Variants in FARP1 observed in about 807,000 individuals in gnomAD.
FARP1 encodes the protein FERM, ARHGEF and pleckstrin domain-containing protein 1.
In FARP1, 52 loss-of-function variants were observed where a neutral mutation model predicts 128.8. The ratio of observed to expected loss-of-function variants is 0.40; its 90% CI spans 0.32 to 0.51. The LOEUF is 0.51. Ranked by LOEUF, FARP1 falls within the 20% of genes least tolerant of loss-of-function variation. FARP1 has a pLI of 0.45. For synonymous variants in FARP1, 580 were observed against 551.8 expected (o/e 1.05, Z -0.72); for missense variants, 1,333 against 1,367.9 (o/e 0.97, Z 0.40).
intron 2 of FARP1, among the ~76,000 whole-genome samples, chr13:98,231,387 C>G (rs149304011): frequency 1.4e-4 from 22 of 151,802 alleles, no homozygotes; most frequent in African/African-American, 5.3e-4. Context: ...TGCACGCTTT[C>G]CATGTAGATG....
chr13:98,289,672 T>G (rs1885358087), intron 2 of FARP1, among the ~76,000 whole-genome samples: 2 of 152,148 alleles, frequency 1.3e-5, no homozygotes, highest in Non-Finnish European at 2.9e-5. Context: ...GCAGGACCCC[T>G]CTGGCTCTTG....
intron 2 of FARP1, among the ~76,000 whole-genome samples, chr13:98,224,823 G>C (rs1390994023): frequency 6.6e-6 from 1 of 152,152 alleles, no homozygotes; most frequent in Admixed American, 6.5e-5. Context: ...AGGCTGTGAG[G>C]CGTGGGCTGC....
chr13:98,210,560 T>G (rs2139314137), intron 1 of FARP1, among the ~76,000 whole-genome samples: 1 of 151,310 alleles, frequency 6.6e-6, no homozygotes, highest in Admixed American at 6.6e-5. Context: ...TATCTTTTCT[T>G]TTTTTTTGAG....
chr13:98,306,967 C>G (rs186415592), intron 2 of FARP1, among the ~76,000 whole-genome samples: 2 of 152,172 alleles, frequency 1.3e-5, no homozygotes, highest in Admixed American at 1.3e-4. Flanking sequence ...ACCACCCTCC[C>G]AGAAACCTAT....
chr13:98,445,605 G>C (rs1356984386), intron 24 of FARP1: 1 of 153,568 alleles, frequency 6.5e-6, no homozygotes, highest in Non-Finnish European at 1.4e-5. Flanking sequence ...CTCTGAGCTT[G>C]TTGGGATGGA....
intron 1 of FARP1, among the ~76,000 whole-genome samples, chr13:98,165,096 T>G (rs1877148543): frequency 6.6e-6 from 1 of 150,618 alleles, no homozygotes; most frequent in South Asian, 2.1e-4. Context: ...ACACCTGTAA[T>G]CCCAGCTACT....
rs1339709724 is a variant in FARP1 at position 98,143,248 on chromosome 13, A to G, written c.-268A>G. 1 of 148,358 alleles carries G rather than the reference A, an allele frequency of 6.7e-6. No individual in the cohort carries two copies. The highest frequency in any genetic ancestry group is 2.1e-4 in the South Asian group (1 of 4,842). The allele number at this position is 148,358 out of a possible 1,614,324, so 9.2% of individuals were successfully genotyped here. On this transcript the variant is annotated 5_prime_UTR_variant, in exon 1 of 27. An upstream start codon of the reference 5' UTR is lost. Coordinates refer to ENST00000319562, the MANE Select transcript of FARP1 (RefSeq NM_005766.4). ...CGCTGGCCCCGGCGTCGAGGCGGCC[A>G]TGGCGACCCGGAGCCCGCTCCCCAC...
At chr13:98,292,707 A>G (rs1885505990) in intron 2 of FARP1, among the ~76,000 whole-genome samples, 1 of 152,210 alleles carries the variant, frequency 6.6e-6, no homozygotes, top group African/African-American at 2.4e-5. Context: ...ATGATAAATT[A>G]TCATACATGT....
intron 1 of FARP1, among the ~76,000 whole-genome samples, chr13:98,173,952 G>A (rs1877823607): frequency 6.6e-6 from 1 of 152,200 alleles, no homozygotes; most frequent in Non-Finnish European, 1.5e-5. Flanking sequence ...TCGCTCCAGC[G>A]TTGTGACCTT....
intron 1 of FARP1, among the ~76,000 whole-genome samples, chr13:98,209,911 G>A (rs1180496776): frequency 2.0e-5 from 3 of 151,152 alleles, no homozygotes; most frequent in Non-Finnish European, 1.5e-5. Flanking sequence ...GAACCTGGGA[G>A]GTGGAGGTTG....
At chr13:98,435,528 C>T (rs1177315790) in intron 18 of FARP1, 48 bp from the exon 19 acceptor site, 1 of 1,567,294 alleles carries the variant, frequency 6.4e-7, no homozygotes, top group Non-Finnish European at 8.7e-7. Context: ...AGGGGAAGAC[C>T]CCTGCCTGCC....
chr13:98,235,007 CAG>C (rs1287287002), intron 2 of FARP1, among the ~76,000 whole-genome samples: 1 of 152,186 alleles, frequency 6.6e-6, no homozygotes, highest in East Asian at 1.9e-4. Context: ...AGAGGATAAA[CAG>C]AGCTAACTAG....
At chr13:98,146,369 C>T (rs1183899612) in intron 1 of FARP1, among the ~76,000 whole-genome samples, 1 of 152,210 alleles carries the variant, frequency 6.6e-6, no homozygotes, top group African/African-American at 2.4e-5. Flanking sequence ...GCTGGGATTA[C>T]AGGCATTTGC....
intron 2 of FARP1, among the ~76,000 whole-genome samples, chr13:98,225,909 CT>C (rs1462675203): frequency 6.6e-6 from 1 of 152,218 alleles, no homozygotes; most frequent in South Asian, 2.1e-4. Flanking sequence ...TTGTACATCC[CT>C]TTTACCCACA....
intron 2 of FARP1, among the ~76,000 whole-genome samples, chr13:98,252,695 A>G (rs1385352750): frequency 6.6e-6 from 1 of 152,130 alleles, no homozygotes; most frequent in African/African-American, 2.4e-5. Flanking sequence ...TTTAATACCC[A>G]CCCACTTAGT....
Position 98,287,704 on chromosome 13 carries a change from T to A in FARP1, c.172-56058T>A, listed in dbSNP as rs1885252073. Among the ~76,000 whole-genome samples the A allele has an allele frequency of 1.3e-5, 2 of 152,148 alleles. 1 individual carries two copies. The highest frequency in any genetic ancestry group is 4.1e-4 in the South Asian group (2 of 4,828). On this transcript the variant is annotated intron_variant, in intron 2 of 26. Transcript: ENST00000319562. ...ATTTTCTTTAGCTCATTTTTAATTC[T>A]CTTCATGCATAATCTTTAAAAAAAA...
rs1350438666 is a variant in FARP1 at position 98,209,253 on chromosome 13, C to A, written c.-23-3967C>A. Among the ~76,000 whole-genome samples, 6 of 151,922 alleles carry A rather than the reference C, an allele frequency of 3.9e-5. No homozygotes were observed. The East Asian group carries it at 1.2e-3, about 30-fold the overall frequency. ...TCGATCTCCTGACCTCGTGATCCAC[C>A]CGCCTTGGCCTCCCAAAGTGCTGGG... is the stretch of plus-strand genomic sequence containing the variant. On this transcript the variant is annotated intron_variant, in intron 1 of 26. Coordinates refer to ENST00000319562, the MANE Select transcript of FARP1 (RefSeq NM_005766.4).
intron 2 of FARP1, among the ~76,000 whole-genome samples, chr13:98,246,421 A>G (rs1883070550): frequency 6.6e-6 from 1 of 152,128 alleles, no homozygotes; most frequent in Non-Finnish European, 1.5e-5. Context: ...TCTCATCTGT[A>G]GATCAGCAAA....
chr13:98,195,484 G>T (rs1381765638), intron 1 of FARP1, among the ~76,000 whole-genome samples: 2 of 152,210 alleles, frequency 1.3e-5, no homozygotes, highest in African/African-American at 2.4e-5. Flanking sequence ...TTTAAGGGCA[G>T]TGAGTTTGCA....
Sources: allele counts gnomAD v4.1 joint callset (sites outside exome capture counted in the v4.1 genomes callset), GRCh38; gene constraint gnomAD v4.1.1; transcripts MANE v1.5; gene names NCBI Gene and HGNC (gene_info 2026-07-23, HGNC 2026-07-21).